The following KAZN variants were observed in gnomAD, a reference collection of about 807,000 sequenced individuals.
KAZN encodes the protein kazrin.
Under a neutral mutation model 87.4 loss-of-function variants are expected in KAZN, and 40 were observed. That is an observed-to-expected ratio of 0.46 (90% confidence interval 0.36 to 0.60). The LOEUF (loss-of-function observed/expected upper bound fraction) is 0.60, where lower values mean the gene tolerates loss of function less well. Among genes scored for constraint, KAZN ranks in the 20% least tolerant of loss-of-function variants. The pLI, the probability that KAZN is intolerant of heterozygous loss-of-function variation, is 0.00. For missense variants in KAZN, 898 were observed against 1,073.9 expected (o/e 0.84, Z 2.29); for synonymous variants, 466 against 458.3 (o/e 1.02, Z -0.22).
intron 1 of KAZN, among the ~76,000 whole-genome samples, chr1:14,054,582 T>C (rs1642472738): frequency 6.6e-6 from 1 of 152,166 alleles, no homozygotes; most frequent in Admixed American, 6.5e-5. Flanking sequence ...GTAGCTCAAT[T>C]CTTGGCCCAG....
At chr1:14,681,442 C>G (rs553147125) in intron 1 of KAZN, among the ~76,000 whole-genome samples, 1 of 151,520 alleles carries the variant, frequency 6.6e-6, no homozygotes, top group East Asian at 2.0e-4. Context: ...CAGCCCAACA[C>G]TGACATTTCA....
intron 1 of KAZN, among the ~76,000 whole-genome samples, chr1:14,913,704 C>T (rs1351248906): frequency 1.3e-5 from 2 of 152,260 alleles, no homozygotes; most frequent in African/African-American, 4.8e-5. Flanking sequence ...AAGCCCCTAA[C>T]CTGCCTGTGC....
At chr1:14,668,579 C>G (rs1639722857) in intron 1 of KAZN, among the ~76,000 whole-genome samples, 1 of 152,150 alleles carries the variant, frequency 6.6e-6, no homozygotes, top group Admixed American at 6.5e-5. Flanking sequence ...GTTTCCCCTC[C>G]TCCTTCCCCA....
At chr1:14,589,352 G>A (rs972554936) in intron 2 of KAZN, among the ~76,000 whole-genome samples, 1 of 151,892 alleles carries the variant, frequency 6.6e-6, no homozygotes. Context: ...AAAAGGGAGG[G>A]GGGGCAGTCA....
chr1:13,913,555 G>A (rs941253475), intron 1 of KAZN, among the ~76,000 whole-genome samples: 2 of 152,126 alleles, frequency 1.3e-5, no homozygotes, highest in East Asian at 1.9e-4. Flanking sequence ...TCTTCCCAAG[G>A]GCTCCTTCTT....
At chr1:14,721,194 T>A (rs1643082129) in intron 1 of KAZN, among the ~76,000 whole-genome samples, 2 of 152,172 alleles carry the variant, frequency 1.3e-5, no homozygotes, top group Non-Finnish European at 2.9e-5. Context: ...CCACATGTCA[T>A]GGGAGGGACC....
At chr1:14,794,000 T>C (rs1032595272) in intron 1 of KAZN, among the ~76,000 whole-genome samples, 1 of 152,166 alleles carries the variant, frequency 6.6e-6, no homozygotes, top group Non-Finnish European at 1.5e-5. Context: ...TAATCAAAAG[T>C]AACACCACAG....
At position 14,114,982 on chromosome 1, in the gene KAZN, C is replaced by A. The variant is rs147711363; in HGVS notation, c.92-65453C>A. On this transcript the variant is annotated intron_variant, in intron 1 of 16. Coordinates refer to the KAZN transcript ENST00000636203. ...GACCCAGGTCTATTGTGTACAAACC[C>A]CACCTTCTTAGCCACTGCTCCTGTG... 6.6e-5 allele frequency among the ~76,000 whole-genome samples: 10 copies of A among 152,342 alleles called. No homozygotes were observed. The East Asian group carries it at 1.9e-3, about 29-fold the overall frequency.
At chr1:14,001,633 A>G (rs931362599) in intron 1 of KAZN, among the ~76,000 whole-genome samples, 15 of 152,250 alleles carry the variant, frequency 9.9e-5, no homozygotes, top group African/African-American at 3.6e-4. Flanking sequence ...CCAAAACAGC[A>G]TGGCACTTGT....
At chr1:14,166,959 C>G (rs564473625) in intron 1 of KAZN, among the ~76,000 whole-genome samples, 6 of 152,310 alleles carry the variant, frequency 3.9e-5, no homozygotes, top group African/African-American at 1.4e-4. Context: ...CAAATATCCC[C>G]TAACTCTGTA....
chr1:14,765,629 C>A (rs1017211969), intron 1 of KAZN, among the ~76,000 whole-genome samples: 1 of 152,158 alleles, frequency 6.6e-6, no homozygotes, highest in Non-Finnish European at 1.5e-5. Context: ...CTGGTGCCTG[C>A]GAATGGAGAA....
intron 2 of KAZN, among the ~76,000 whole-genome samples, chr1:14,541,973 T>C (rs774653895): frequency 6.6e-6 from 1 of 152,074 alleles, no homozygotes; most frequent in African/African-American, 2.4e-5. Context: ...GTTGAGGCGA[T>C]TGTCAGCCTC....
chr1:14,771,956 C>T (rs1368115453), intron 1 of KAZN, among the ~76,000 whole-genome samples: 1 of 152,120 alleles, frequency 6.6e-6, no homozygotes, highest in East Asian at 1.9e-4. Flanking sequence ...GACAAAGATT[C>T]CAAGACAGCA....
intron 1 of KAZN, among the ~76,000 whole-genome samples, chr1:14,113,799 A>T (rs12026571): frequency 0.27 from 41,493 of 151,886 alleles, 5,954 homozygotes; most frequent in East Asian, 0.55. Context: ...GAGGATTTAC[A>T]TGAAGACTCA....
chr1:13,986,203 C>A (rs1639005580), intron 1 of KAZN, among the ~76,000 whole-genome samples: 2 of 152,110 alleles, frequency 1.3e-5, no homozygotes. Context: ...GAAAGGATGT[C>A]AAAATTTGAT....
intron 1 of KAZN, among the ~76,000 whole-genome samples, chr1:14,894,489 G>A (rs1316612158): frequency 6.6e-6 from 1 of 152,230 alleles, no homozygotes; most frequent in East Asian, 1.9e-4. Flanking sequence ...GGACGTCAAG[G>A]GTGTAGAGTG....
intron 1 of KAZN, among the ~76,000 whole-genome samples, chr1:13,997,000 A>G (rs755203840): frequency 2.6e-5 from 4 of 152,200 alleles, no homozygotes; most frequent in Non-Finnish European, 5.9e-5. Context: ...CAGAAAAAGG[A>G]GCAGGCACCT....
chr1:13,906,783 C>G (rs1332922935), intron 1 of KAZN, among the ~76,000 whole-genome samples: 2 of 152,214 alleles, frequency 1.3e-5, no homozygotes, highest in Non-Finnish European at 1.5e-5. Context: ...GGGCCAGGAC[C>G]AGAAATGACC....
intron 2 of KAZN, among the ~76,000 whole-genome samples, chr1:14,446,197 G>A (rs1666975607): frequency 1.3e-5 from 2 of 151,932 alleles, no homozygotes; most frequent in Admixed American, 1.3e-4. Context: ...CCCTGTCTCA[G>A]AAAACAAAAA....
Sources: allele counts gnomAD v4.1 joint callset (sites outside exome capture counted in the v4.1 genomes callset), GRCh38; gene constraint gnomAD v4.1.1; transcripts MANE v1.5; gene names NCBI Gene and HGNC (gene_info 2026-07-23, HGNC 2026-07-21).